Variants in PLCB4 observed in about 807,000 individuals in gnomAD.
The protein encoded by PLCB4 is 1-phosphatidylinositol 4,5-bisphosphate phosphodiesterase beta-4.
PLCB4 carries 77 observed loss-of-function variants against 178.8 expected under a neutral mutation model. The ratio of observed to expected loss-of-function variants is 0.43; its 90% confidence interval spans 0.36 to 0.52. The LOEUF is 0.52. Ranked by LOEUF, PLCB4 falls within the 20% of genes least tolerant of loss-of-function variation. The pLI, the probability that PLCB4 is intolerant of heterozygous loss-of-function variation, is 0.00. For synonymous variants in PLCB4, 496 were observed against 490.8 expected, an observed-to-expected ratio of 1.01 and a Z score of -0.14; for missense variants, 1,024 against 1,453.4, an observed-to-expected ratio of 0.70 and a Z score of 4.80.
intron 6 of PLCB4, 40 bp from the exon 7 acceptor site, chr20:9,338,854 T>C (rs2032831306): frequency 6.4e-7 from 1 of 1,550,742 alleles, no homozygotes; most frequent in African/African-American, 1.4e-5. Flanking sequence ...TGCTCTGTGA[T>C]GTAACTTATT....
At chr20:9,200,718 G>T (rs999714256) in intron 2 of PLCB4, among the ~76,000 whole-genome samples, 1 of 151,956 alleles carries the variant, frequency 6.6e-6, no homozygotes, top group Non-Finnish European at 1.5e-5. Flanking sequence ...TGCATCTGCT[G>T]GTCCCACTCC....
intron 37 of PLCB4, 59 bp from the exon 38 acceptor site, chr20:9,473,220 C>A: frequency 9.7e-7 from 1 of 1,034,496 alleles, no homozygotes; most frequent in Non-Finnish European, 1.4e-6. Flanking sequence ...TCTCTCATCC[C>A]TGTTTTAAGA....
intron 2 of PLCB4, among the ~76,000 whole-genome samples, chr20:9,109,976 C>T (rs2091515661): frequency 6.6e-6 from 1 of 152,070 alleles, no homozygotes; most frequent in Non-Finnish European, 1.5e-5. Context: ...TCTTCTAGCC[C>T]TGATGTTCTG....
intron 3 of PLCB4, among the ~76,000 whole-genome samples, chr20:9,255,524 GT>G (rs747482352): frequency 0.033 from 4,359 of 132,046 alleles, 107 homozygotes; most frequent in African/African-American, 0.1. Flanking sequence ...TTTGAACTTA[GT>G]TTTTTTTTTT....
At chr20:9,471,703 A>T (rs1385007734) in intron 36 of PLCB4, among the ~76,000 whole-genome samples, 1 of 152,232 alleles carries the variant, frequency 6.6e-6, no homozygotes, top group Non-Finnish European at 1.5e-5. Flanking sequence ...AATAAGCTCC[A>T]TTCCATAGGA....
chr20:9,293,006 G>A (rs2094594192), intron 3 of PLCB4, among the ~76,000 whole-genome samples: 1 of 152,110 alleles, frequency 6.6e-6, no homozygotes, highest in Non-Finnish European at 1.5e-5. Flanking sequence ...TTGAACCCAG[G>A]AAGCAGAGGT....
At chr20:9,206,315 T>C (rs1367919767) in intron 2 of PLCB4, among the ~76,000 whole-genome samples, 2 of 148,916 alleles carry the variant, frequency 1.3e-5, no homozygotes, top group East Asian at 1.9e-4. Context: ...TTTTTTTTTT[T>C]TTTTTTTGGT....
chr20:9,373,843 T>A (rs1320823703), intron 12 of PLCB4, among the ~76,000 whole-genome samples: 1 of 152,188 alleles, frequency 6.6e-6, no homozygotes, highest in East Asian at 1.9e-4. Flanking sequence ...TCTTCACACA[T>A]ACAAAAAAAG....
intron 33 of PLCB4, among the ~76,000 whole-genome samples, chr20:9,453,664 G>A (rs954450961): frequency 6.6e-5 from 10 of 152,118 alleles, no homozygotes; most frequent in African/African-American, 2.4e-4. Context: ...GTAGCTTCTG[G>A]TTTGGGGAAG....
chr20:9,126,883 T>C (rs920472835), intron 2 of PLCB4, among the ~76,000 whole-genome samples: 1 of 151,786 alleles, frequency 6.6e-6, no homozygotes, highest in Non-Finnish European at 1.5e-5. Flanking sequence ...TTATGATAGA[T>C]TTTTCTATTC....
At chr20:9,086,136 C>G (rs1480699041) in intron 1 of PLCB4, among the ~76,000 whole-genome samples, 4 of 152,004 alleles carry the variant, frequency 2.6e-5, no homozygotes, top group Non-Finnish European at 5.9e-5. Context: ...CTCACTTTGA[C>G]CTTAGGACCT....
At chr20:9,170,286 T>C (rs912691740) in intron 2 of PLCB4, among the ~76,000 whole-genome samples, 4 of 152,246 alleles carry the variant, frequency 2.6e-5, no homozygotes, top group Non-Finnish European at 4.4e-5. Flanking sequence ...TACAACACTT[T>C]CTTACAAATT....
intron 2 of PLCB4, among the ~76,000 whole-genome samples, chr20:9,199,812 A>G (rs1238011196): frequency 1.3e-5 from 2 of 151,096 alleles, no homozygotes; most frequent in Non-Finnish European, 2.9e-5. Flanking sequence ...TAAAATTACA[A>G]TTTACTTATT....
chr20:9,325,180 C>A (rs965628451), intron 4 of PLCB4, among the ~76,000 whole-genome samples: 1 of 152,174 alleles, frequency 6.6e-6, no homozygotes, highest in African/African-American at 2.4e-5. Context: ...CTACAAAGCA[C>A]GTCTCCTGTT....
chr20:9,254,966 G>A (rs982754426), intron 3 of PLCB4, among the ~76,000 whole-genome samples: 1 of 152,060 alleles, frequency 6.6e-6, no homozygotes, highest in South Asian at 2.1e-4. Flanking sequence ...ATTTTGGAAG[G>A]CCAGAGAAAT....
intron 14 of PLCB4, among the ~76,000 whole-genome samples, chr20:9,385,582 G>T (rs34295289): frequency 6.7e-6 from 1 of 150,162 alleles, no homozygotes; most frequent in Non-Finnish European, 1.5e-5. Context: ...CTTCTCAGAC[G>T]GGGCGGCTGG....
chr20:9,085,555 G>GCA (rs1568720677), intron 1 of PLCB4, among the ~76,000 whole-genome samples: 4 of 152,064 alleles, frequency 2.6e-5, no homozygotes, highest in African/African-American at 9.7e-5. Flanking sequence ...TCTAAAATTA[G>GCA]TATCTAAGCA....
At chr20:9,457,302 C>T (rs2043114653) in intron 33 of PLCB4, 112 bp from the exon 34 acceptor site, 1 of 683,428 alleles carries the variant, frequency 1.5e-6, no homozygotes, top group Non-Finnish European at 2.7e-6. Flanking sequence ...TGAGCCATGA[C>T]ATCTCATATT....
At chr20:9,215,526 A>G (rs1361416721) in intron 2 of PLCB4, among the ~76,000 whole-genome samples, 3 of 152,182 alleles carry the variant, frequency 2.0e-5, no homozygotes, top group Non-Finnish European at 1.5e-5. Context: ...AATAGTCACT[A>G]AATTAGTAAA....
Sources: allele counts gnomAD v4.1 joint callset (sites outside exome capture counted in the v4.1 genomes callset), GRCh38; gene constraint gnomAD v4.1.1; transcripts MANE v1.5; gene names NCBI Gene and HGNC (gene_info 2026-07-23, HGNC 2026-07-21).